Variants in MICU3 observed in about 807,000 individuals in gnomAD.
MICU3 encodes the protein calcium uptake protein 3, mitochondrial.
Under a neutral mutation model 66.5 loss-of-function variants are expected in MICU3, and 62 were observed. The ratio of observed to expected loss-of-function variants is 0.93; its 90% CI spans 0.76 to 1.15. The LOEUF (loss-of-function observed/expected upper bound fraction) is 1.15. Among genes scored for constraint, MICU3 ranks in the 50% most tolerant of loss-of-function variants. The probability of loss-of-function intolerance (pLI) is 0.00; values close to 1 mark genes in which losing one functional copy is unlikely to be tolerated. For missense variants in MICU3, 779 were observed against 664.4 expected (o/e 1.17, Z -1.90); for synonymous variants, 308 against 240.7 (o/e 1.28, Z -2.59).
intron 3 of MICU3, among the ~76,000 whole-genome samples, chr8:17,070,857 A>G (rs887218265): frequency 6.6e-6 from 1 of 152,030 alleles, no homozygotes. Flanking sequence ...ACTGAACCCT[A>G]TATGTACTAT....
intron 5 of MICU3, among the ~76,000 whole-genome samples, chr8:17,083,659 G>C (rs917368460): frequency 1.3e-5 from 2 of 152,058 alleles, no homozygotes; most frequent in African/African-American, 4.8e-5. Context: ...TAAAATGTTA[G>C]TGCTGAAGAA....
chr8:17,125,240 G>GT (rs966218241), downstream of MICU3, among the ~76,000 whole-genome samples: 9 of 151,396 alleles, frequency 5.9e-5, no homozygotes, highest in African/African-American at 1.7e-4. Context: ...TTCTTGAGGG[G>GT]TTTTTTTAAT....
chr8:17,069,359 T>G (rs531954053), intron 2 of MICU3, among the ~76,000 whole-genome samples: 1 of 152,172 alleles, frequency 6.6e-6, no homozygotes, highest in Admixed American at 6.5e-5. Flanking sequence ...TAAGTATCAT[T>G]ATTTGTGCTT....
chr8:17,073,040 A>C (rs571525758), intron 3 of MICU3, among the ~76,000 whole-genome samples: 1 of 152,002 alleles, frequency 6.6e-6, no homozygotes, highest in African/African-American at 2.4e-5. Context: ...ACAGGCACAC[A>C]CCACCATGCC....
At chr8:17,077,443 T>C (rs1418188915) in intron 3 of MICU3, among the ~76,000 whole-genome samples, 2 of 152,232 alleles carry the variant, frequency 1.3e-5, no homozygotes, top group African/African-American at 4.8e-5. Context: ...TCCATGATTT[T>C]CCTAAAACGA....
At chr8:17,075,461 G>A (rs995204428) in intron 3 of MICU3, among the ~76,000 whole-genome samples, 1 of 152,092 alleles carries the variant, frequency 6.6e-6, no homozygotes, top group Non-Finnish European at 1.5e-5. Flanking sequence ...AGGATTTAGA[G>A]TCTGCTTCCT....
chr8:17,066,540 T>G (rs373933834), intron 2 of MICU3, among the ~76,000 whole-genome samples: 6,367 of 111,060 alleles, frequency 0.057, 199 homozygotes, highest in Non-Finnish European at 0.068. Flanking sequence ...TATATATATA[T>G]AGATTTTTTT....
the MICU3 span, chr8:17,131,355 T>A: frequency 6.6e-6 from 1 of 151,870 alleles, no homozygotes; most frequent in South Asian, 2.1e-4. Flanking sequence ...GCCTCGTAAG[T>A]GGGAGCATAA....
chr8:17,062,725 T>A (rs1482419488), intron 1 of MICU3, among the ~76,000 whole-genome samples: 1 of 152,184 alleles, frequency 6.6e-6, no homozygotes, highest in Non-Finnish European at 1.5e-5. Context: ...GAAGACAGTT[T>A]GACTAAAAAG....
At chr8:17,074,847 A>C (rs1183725821) in intron 3 of MICU3, among the ~76,000 whole-genome samples, 1 of 152,042 alleles carries the variant, frequency 6.6e-6, no homozygotes, top group Non-Finnish European at 1.5e-5. Flanking sequence ...AATTCAGCAA[A>C]TATTTATTTT....
At chr8:17,075,968 T>A (rs569491145) in intron 3 of MICU3, among the ~76,000 whole-genome samples, 190 of 152,164 alleles carry the variant, frequency 1.2e-3, no homozygotes, top group Non-Finnish European at 6.3e-4. Context: ...TTTATACAGT[T>A]ACAATAGAGA....
At chr8:17,068,732 G>GA (rs756063842) in intron 2 of MICU3, among the ~76,000 whole-genome samples, 13 of 152,012 alleles carry the variant, frequency 8.6e-5, no homozygotes, top group Non-Finnish European at 1.5e-4. Flanking sequence ...GCCTAATAAA[G>GA]AAAAAACTAC....
In MICU3 at chr8:17,075,549, G is replaced by GGA. The variant is rs545734168; in HGVS notation, c.568-2227_568-2226dup. ...AAACCAAGCTAGGAGTTTGGAGGAG[G>GGA]GAGAGAGATTCCTGACATGGGTGGA... is the stretch of plus-strand genomic sequence containing the variant. On this transcript the variant is annotated intron_variant, in intron 3 of 14. Transcript: ENST00000318063. Among the ~76,000 whole-genome samples, 160 of 152,162 alleles carry GGA rather than the reference G, an allele frequency of 1.1e-3. 3 individuals carry two copies. The South Asian group carries it at 0.031, about 30-fold the overall frequency.
chr8:17,086,138 T>C (rs959449197), intron 6 of MICU3, among the ~76,000 whole-genome samples: 8 of 152,126 alleles, frequency 5.3e-5, no homozygotes, highest in African/African-American at 1.9e-4. Flanking sequence ...TTTTAAATTA[T>C]GGCCCTACCT....
chr8:17,116,433 A>T lies in MICU3; in HGVS notation c.1367-10A>T. The stretch of plus-strand genomic sequence containing the variant: ...ACAGTCTATTCTTTTTCTATGTAAC[A>T]TTTATCTAGATGAATTTAAACGTGC... On this transcript the variant is annotated splice_polypyrimidine_tract_variant and intron_variant, in intron 12 of 14. Coordinates refer to ENST00000318063, the MANE Select transcript of MICU3 (RefSeq NM_181723.3). 1 of 1,428,048 alleles carries T rather than the reference A, an allele frequency of 7.0e-7. No homozygotes were observed. The highest frequency in any genetic ancestry group is 9.2e-7 in the Non-Finnish European group (1 of 1,085,430). The allele number at this position is 1,428,048 out of a possible 1,614,324, so 88.5% of individuals were successfully genotyped here. A position where few individuals can be genotyped will look rare whatever the true frequency, so the allele number is the denominator to read the frequency against.
At chr8:17,029,500 C>T (rs1260754824) in intron 1 of MICU3, among the ~76,000 whole-genome samples, 1 of 151,984 alleles carries the variant, frequency 6.6e-6, no homozygotes, top group African/African-American at 2.4e-5. Flanking sequence ...ATTTTTTATT[C>T]GTTTATTTAT....
intron 2 of MICU3, among the ~76,000 whole-genome samples, chr8:17,066,284 G>T (rs1818663067): frequency 6.6e-6 from 1 of 151,346 alleles, no homozygotes; most frequent in African/African-American, 2.4e-5. Flanking sequence ...GTTCTTTTCT[G>T]TGTGCTAAGG....
At chr8:17,117,930 G>C (rs1273297238) in intron 13 of MICU3, among the ~76,000 whole-genome samples, 7 of 152,160 alleles carry the variant, frequency 4.6e-5, no homozygotes, top group Non-Finnish European at 1.5e-5. Flanking sequence ...TTTTAAAAGA[G>C]AAAAAGTTAT....
intron 11 of MICU3, 42 bp downstream of exon 11, chr8:17,105,626 C>T (rs373847239): frequency 1.0e-5 from 12 of 1,203,748 alleles, no homozygotes; most frequent in African/African-American, 1.6e-5. Context: ...TACTGTTTTG[C>T]AATACGTGCC....
Sources: gnomAD v4.1 joint callset for allele counts (sites outside exome capture counted in the v4.1 genomes callset) on GRCh38, gnomAD v4.1.1 for gene constraint, MANE v1.5 for transcripts, NCBI Gene and HGNC (gene_info 2026-07-23, HGNC 2026-07-21) for gene names.